Variants in PDE4D observed in about 807,000 individuals in gnomAD.
PDE4D encodes the protein phosphodiesterase 4D.
In PDE4D, 24 loss-of-function variants were observed where a neutral mutation model predicts 87.4. That is an observed-to-expected ratio of 0.27 (90% CI 0.20 to 0.39). PDE4D has a LOEUF of 0.39. Ranked by LOEUF, PDE4D falls within the 10% of genes least tolerant of loss-of-function variation. PDE4D has a pLI of 1.00. For synonymous variants in PDE4D, 384 were observed against 383.2 expected, an observed-to-expected ratio of 1.00 and a Z score of -0.02; for missense variants, 714 against 1,041.0, an observed-to-expected ratio of 0.69 and a Z score of 4.32.
chr5:60,398,345 C>T (rs534647639), intron 1 of PDE4D, among the ~76,000 whole-genome samples: 5 of 152,266 alleles, frequency 3.3e-5, no homozygotes, highest in African/African-American at 4.8e-5. Context: ...GTCACTTTTA[C>T]GGATCTGTTA....
intron 1 of PDE4D, among the ~76,000 whole-genome samples, chr5:59,533,152 T>G (rs1300092208): frequency 6.6e-6 from 1 of 152,194 alleles, no homozygotes; most frequent in Non-Finnish European, 1.5e-5. Context: ...AAAGATAACA[T>G]GCCCACAAAT....
intron 6 of PDE4D, among the ~76,000 whole-genome samples, chr5:59,030,450 T>C (rs1327432291): frequency 1.2e-5 from 1 of 81,784 alleles, no homozygotes; most frequent in African/African-American, 4.5e-5. Context: ...AAAAAAACAA[T>C]GTTCCCCAGC....
chr5:59,328,484 T>C (rs566140148), intron 1 of PDE4D, among the ~76,000 whole-genome samples: 5 of 152,302 alleles, frequency 3.3e-5, no homozygotes, highest in African/African-American at 1.2e-4. Context: ...GTATTTAACA[T>C]ATACATATCA....
At chr5:60,416,331 C>G (rs529338650) in intron 1 of PDE4D, among the ~76,000 whole-genome samples, 2 of 152,314 alleles carry the variant, frequency 1.3e-5, no homozygotes, top group South Asian at 4.1e-4. Flanking sequence ...TGCTGGGGTC[C>G]CCTTCCACAC....
chr5:59,859,198 C>A (rs904941599), intron 1 of PDE4D, among the ~76,000 whole-genome samples: 1 of 152,154 alleles, frequency 6.6e-6, no homozygotes, highest in African/African-American at 2.4e-5. Context: ...TAATACCTGA[C>A]AAACAATAAC....
intron 2 of PDE4D, among the ~76,000 whole-genome samples, chr5:60,057,506 G>A (rs1770907918): frequency 6.6e-6 from 1 of 151,792 alleles, no homozygotes; most frequent in African/African-American, 2.4e-5. Context: ...TTCCTCTTCA[G>A]TGCCTTCTGT....
intron 1 of PDE4D, among the ~76,000 whole-genome samples, chr5:59,703,373 CT>C (rs964112518): frequency 1.1e-4 from 16 of 152,216 alleles, no homozygotes; most frequent in African/African-American, 3.6e-4. Context: ...TCCTTGGTGA[CT>C]TTCAGACAAT....
chr5:59,469,742 G>A (rs978380639), intron 1 of PDE4D, among the ~76,000 whole-genome samples: 5 of 152,154 alleles, frequency 3.3e-5, no homozygotes, highest in Non-Finnish European at 5.9e-5. Context: ...AAAGAATATG[G>A]GACTTTTGGG....
At chr5:59,840,359 GCTTAT>G (rs1742801664) in intron 1 of PDE4D, among the ~76,000 whole-genome samples, 1 of 147,930 alleles carries the variant, frequency 6.8e-6, no homozygotes, top group Non-Finnish European at 1.5e-5. Context: ...TGTGTGTAAC[GCTTAT>G]CTTATCATCT....
At chr5:60,155,627 T>C (rs921818828) in intron 2 of PDE4D, among the ~76,000 whole-genome samples, 2 of 152,194 alleles carry the variant, frequency 1.3e-5, no homozygotes, top group African/African-American at 4.8e-5. Flanking sequence ...TGCTAGACAC[T>C]GTGTGCTAGG....
chr5:59,565,163 C>G (rs752981925), intron 1 of PDE4D, among the ~76,000 whole-genome samples: 5 of 152,106 alleles, frequency 3.3e-5, no homozygotes, highest in Non-Finnish European at 7.4e-5. Context: ...TCTTAGGTCT[C>G]TGCAGAAGGA....
chr5:59,789,173 A>C (rs553907106), intron 1 of PDE4D, among the ~76,000 whole-genome samples: 38 of 152,358 alleles, frequency 2.5e-4, no homozygotes, highest in African/African-American at 7.9e-4. Flanking sequence ...AAATATGCTC[A>C]GATGGGCATG....
intron 1 of PDE4D, among the ~76,000 whole-genome samples, chr5:59,760,134 A>G (rs1287140913): frequency 1.3e-5 from 2 of 152,180 alleles, no homozygotes; most frequent in Non-Finnish European, 2.9e-5. Context: ...ATTTCTCTTA[A>G]CAACCATAAA....
intron 1 of PDE4D, chr5:59,592,085 A>C: frequency 2.0e-6 from 2 of 975,754 alleles, no homozygotes; most frequent in African/African-American, 3.5e-5. Flanking sequence ...TTCCAACCCC[A>C]CCTCCCAGCA....
At chr5:60,519,307 G>C (rs569136198) in intron 1 of PDE4D, among the ~76,000 whole-genome samples, 1 of 152,274 alleles carries the variant, frequency 6.6e-6, no homozygotes, top group South Asian at 2.1e-4. Context: ...TGATTTCTCA[G>C]ACCCTTTCCA....
At chr5:59,269,536 A>G (rs1426585176) in intron 1 of PDE4D, among the ~76,000 whole-genome samples, 1 of 151,878 alleles carries the variant, frequency 6.6e-6, no homozygotes, top group Non-Finnish European at 1.5e-5. Context: ...TACACAAATG[A>G]CTCTCCCGCG....
intron 1 of PDE4D, among the ~76,000 whole-genome samples, chr5:60,205,118 T>C (rs1742346825): frequency 6.6e-6 from 1 of 152,140 alleles, no homozygotes; most frequent in Admixed American, 6.5e-5. Context: ...CCTTTAAGCC[T>C]GCAACTCTGA....
intron 1 of PDE4D, among the ~76,000 whole-genome samples, chr5:60,264,827 A>G (rs1383584090): frequency 2.0e-5 from 3 of 152,178 alleles, no homozygotes; most frequent in African/African-American, 2.4e-5. Context: ...TGGAGTGACA[A>G]CATTTTGCAA....
At chr5:59,640,732 T>G (rs980558445) in intron 1 of PDE4D, among the ~76,000 whole-genome samples, 1 of 152,208 alleles carries the variant, frequency 6.6e-6, no homozygotes, top group Non-Finnish European at 1.5e-5. Flanking sequence ...ATAATATGTG[T>G]GCAATGCAAG....
Sources: allele counts gnomAD v4.1 joint callset (sites outside exome capture counted in the v4.1 genomes callset), GRCh38; gene constraint gnomAD v4.1.1; transcripts MANE v1.5; gene names NCBI Gene and HGNC (gene_info 2026-07-23, HGNC 2026-07-21).